LRRFIP2: variants seen among roughly 807,000 people sequenced by gnomAD.
The protein encoded by LRRFIP2 is leucine-rich repeat flightless-interacting protein 2.
LRRFIP2 carries 109 observed loss-of-function variants against 125.9 expected under a neutral mutation model. The ratio of observed to expected loss-of-function variants is 0.87; its 90% confidence interval spans 0.74 to 1.01. The LOEUF (loss-of-function observed/expected upper bound fraction) is 1.01, where lower values mean the gene tolerates loss of function less well. Among genes scored for constraint, LRRFIP2 ranks in the 50% least tolerant of loss-of-function variants. The pLI, the probability that LRRFIP2 is intolerant of heterozygous loss-of-function variation, is 0.00. For synonymous variants in LRRFIP2, 291 were observed against 293.1 expected, an observed-to-expected ratio of 0.99 and a Z score of 0.07; for missense variants, 850 against 862.3, an observed-to-expected ratio of 0.99 and a Z score of 0.18.
chr3:37,150,602 G>T (rs1051231434), intron 1 of LRRFIP2, among the ~76,000 whole-genome samples: 1 of 152,092 alleles, frequency 6.6e-6, no homozygotes, highest in Admixed American at 6.5e-5. Context: ...TGGTTAGATG[G>T]TATTTGAGAT....
chr3:37,076,732 G>A (rs2092081538), intron 19 of LRRFIP2, among the ~76,000 whole-genome samples: 1 of 151,638 alleles, frequency 6.6e-6, no homozygotes, highest in African/African-American at 2.4e-5. Context: ...CAGGCGTGGT[G>A]GTGCATGCCT....
chr3:37,084,117 T>C lies in LRRFIP2; in HGVS notation c.1108-311A>G, dbSNP rs138003237. Among the ~76,000 whole-genome samples, 5 of 152,268 alleles carry C rather than the reference T, an allele frequency of 3.3e-5. No homozygotes were observed. The East Asian group carries it at 9.7e-4, about 29-fold the overall frequency. ...GTAAGGGTCATAAAATGAAGAATCA[T>C]CAATATTTTCAGAAATTTTACTCTT... On this transcript the variant is annotated intron_variant, in intron 18 of 27. Coordinates refer to ENST00000336686, the MANE Select transcript of LRRFIP2 (RefSeq NM_006309.4).
At chr3:37,054,596 T>A (rs765717199) in intron 26 of LRRFIP2, 81 bp from the exon 27 acceptor site, 2 of 892,528 alleles carry the variant, frequency 2.2e-6, no homozygotes, top group Non-Finnish European at 1.8e-6. Context: ...AAATACAATG[T>A]CATTATAAAT....
chr3:37,175,269 A>G (rs933633800), upstream of LRRFIP2: 2 of 152,218 alleles, frequency 1.3e-5, no homozygotes, highest in Non-Finnish European at 2.9e-5. Flanking sequence ...TTTTTAGTCA[A>G]TCAATCCACT....
intron 2 of LRRFIP2, 120 bp downstream of exon 2, chr3:37,148,774 C>G (rs1280586544): frequency 9.9e-7 from 1 of 1,005,668 alleles, no homozygotes; most frequent in African/African-American, 1.6e-5. Context: ...GCTATAACAT[C>G]TTGCTCATAA....
At chr3:37,159,989 C>CAAAAAAAA (rs58005486) in intron 1 of LRRFIP2, among the ~76,000 whole-genome samples, 2 of 46,940 alleles carry the variant, frequency 4.3e-5, no homozygotes, top group African/African-American at 7.7e-5. Flanking sequence ...GCCCTATGCG[C>CAAAAAAAA]AAAAAAAAAA....
chr3:37,058,281 G>C, intron 25 of LRRFIP2, among the ~76,000 whole-genome samples: 1 of 152,196 alleles, frequency 6.6e-6, no homozygotes, highest in African/African-American at 2.4e-5. Flanking sequence ...GAAGCACACA[G>C]GCTAGTGGAG....
chr3:37,136,956 TGGGGGGGGTGGGGGGGTGG>T (rs1453553870), intron 2 of LRRFIP2, among the ~76,000 whole-genome samples: 1 of 111,266 alleles, frequency 9.0e-6, no homozygotes, highest in African/African-American at 3.6e-5. Flanking sequence ...CTTTCTTTTT[TGGGGGGGGTGGGGGGGTGG>T]GGGGGGGGCG....
chr3:37,169,833 T>G (rs1340245327), intron 1 of LRRFIP2, among the ~76,000 whole-genome samples: 1 of 152,230 alleles, frequency 6.6e-6, no homozygotes, highest in Non-Finnish European at 1.5e-5. Context: ...AGATAATCCA[T>G]GATTCTTTAA....
chr3:37,119,882 G>A (rs1473848166), intron 6 of LRRFIP2, among the ~76,000 whole-genome samples: 1 of 151,982 alleles, frequency 6.6e-6, no homozygotes, highest in African/African-American at 2.4e-5. Flanking sequence ...GGTTGGTCTG[G>A]AACTCTGAAC....
At chr3:37,078,358 T>A (rs1030557045) in intron 19 of LRRFIP2, among the ~76,000 whole-genome samples, 2 of 152,078 alleles carry the variant, frequency 1.3e-5, no homozygotes, top group African/African-American at 4.8e-5. Context: ...AAAATAAAAA[T>A]CTTTTAACTA....
At chr3:37,122,754 T>TA (rs962768983) in intron 4 of LRRFIP2, among the ~76,000 whole-genome samples, 15 of 151,536 alleles carry the variant, frequency 9.9e-5, no homozygotes, top group South Asian at 4.2e-4. Flanking sequence ...AGCAGATTTT[T>TA]AAAAAAAAAT....
At chr3:37,054,295 A>G (rs2086182912) in intron 27 of LRRFIP2, 116 bp downstream of exon 27, 2 of 792,398 alleles carry the variant, frequency 2.5e-6, no homozygotes, top group African/African-American at 1.7e-5. Flanking sequence ...AAATTAGTTA[A>G]GTGACTCCAC....
rs189926702 is a variant in LRRFIP2 at position 37,166,259 on chromosome 3, G to A, written c.-56+8280C>T. ...GCAGGAGAATAGCTTGAACCCAGGAGGCGGAGGTTGCAGTGAGCCGAGATT... is the reference window on the plus strand; with the variant it reads ...GCAGGAGAATAGCTTGAACCCAGGAAGCGGAGGTTGCAGTGAGCCGAGATT... On this transcript the variant is annotated intron_variant, in intron 1 of 27. Transcript: ENST00000336686. Among the ~76,000 whole-genome samples the A allele has an allele frequency of 9.8e-4, 149 of 152,196 alleles. 2 individuals carry two copies. Among genetic ancestry groups the A allele is most frequent in the Admixed American group, 2.4e-3 (37 of 15,276 alleles).
intron 12 of LRRFIP2, among the ~76,000 whole-genome samples, chr3:37,108,384 G>C (rs1012334712): frequency 2.6e-5 from 4 of 152,168 alleles, no homozygotes; most frequent in African/African-American, 4.8e-5. Flanking sequence ...AACAAGAAAA[G>C]TGGTTTTTCT....
chr3:37,156,761 T>C (rs2096212629), intron 1 of LRRFIP2, among the ~76,000 whole-genome samples: 1 of 124,670 alleles, frequency 8.0e-6, no homozygotes, highest in African/African-American at 3.1e-5. Context: ...CAATTAAAAA[T>C]CTAGAGTGGA....
chr3:37,115,595 C>T (rs2094744328), intron 6 of LRRFIP2, among the ~76,000 whole-genome samples: 1 of 152,198 alleles, frequency 6.6e-6, no homozygotes, highest in Non-Finnish European at 1.5e-5. Flanking sequence ...AGATGGGGAA[C>T]ATTCCCTTGG....
chr3:37,167,489 A>G (rs976398967), intron 1 of LRRFIP2, among the ~76,000 whole-genome samples: 3 of 151,572 alleles, frequency 2.0e-5, no homozygotes, highest in Non-Finnish European at 4.4e-5. Context: ...CCCCGTCTCT[A>G]CTGAAAATAC....
At chr3:37,169,702 A>G (rs1471269521) in intron 1 of LRRFIP2, among the ~76,000 whole-genome samples, 67 of 152,234 alleles carry the variant, frequency 4.4e-4, no homozygotes, top group Non-Finnish European at 4.4e-5. Flanking sequence ...CAGAACAGTA[A>G]CATAAAAATT....
Sources: allele counts gnomAD v4.1 joint callset (sites outside exome capture counted in the v4.1 genomes callset), GRCh38; gene constraint gnomAD v4.1.1; transcripts MANE v1.5; gene names NCBI Gene and HGNC (gene_info 2026-07-23, HGNC 2026-07-21).